Variants in NCKAP1 observed in about 807,000 individuals in gnomAD.
NCKAP1 encodes the protein NCK associated protein 1, also known as nck-associated protein 1.
NCKAP1 carries 21 observed loss-of-function variants against 151.2 expected under a neutral mutation model. The ratio of observed to expected loss-of-function variants is 0.14; its 90% confidence interval spans 0.10 to 0.20. NCKAP1 has a LOEUF of 0.20. NCKAP1 is among the 10% of genes least tolerant of loss of function. NCKAP1 has a pLI of 1.00. For missense variants in NCKAP1, 933 were observed against 1,352.1 expected, an observed-to-expected ratio of 0.69 and a Z score of 4.86; for synonymous variants, 484 against 451.8, an observed-to-expected ratio of 1.07 and a Z score of -0.90.
At chr2:182,999,032 C>T (rs111947664) in intron 6 of NCKAP1, among the ~76,000 whole-genome samples, 8,475 of 152,078 alleles carry the variant, frequency 0.056, 356 homozygotes, top group African/African-American at 0.12. Flanking sequence ...AAGCATTCTA[C>T]GCTCATGGGA....
At position 182,930,719 on chromosome 2, in the gene NCKAP1, C is replaced by G. The variant is rs775898947; in HGVS notation, c.2929G>C (p.Val977Leu). Residue 977 changes from valine to leucine, a missense_variant, in exon 27 of 31, where the codon GTA becomes CTA. Physicochemically the swap from Val to Leu is conservative, Grantham distance 32. Coordinates refer to ENST00000361354, the MANE Select transcript of NCKAP1 (RefSeq NM_013436.5). ...LPCEIDPALV[V>L]ALSSQKSENI... ...CCCGATTTTTGTGAAGAAAGAGCTACGACCAATGCAGGATCAATCTCACAA... is the reference window on the plus strand; with the variant it reads ...CCCGATTTTTGTGAAGAAAGAGCTAGGACCAATGCAGGATCAATCTCACAA... 21 of 1,613,130 alleles carry G rather than the reference C, an allele frequency of 1.3e-5. No homozygotes were observed. The highest frequency in any genetic ancestry group is 1.8e-5 in the Non-Finnish European group (21 of 1,179,356).
At chr2:182,943,062 A>G (rs989538323) in intron 23 of NCKAP1, among the ~76,000 whole-genome samples, 10 of 152,148 alleles carry the variant, frequency 6.6e-5, no homozygotes, top group African/African-American at 9.6e-5. Flanking sequence ...TGATCTCTAT[A>G]TCTCTACAAA....
At chr2:182,959,796 T>C (rs375299717) in intron 18 of NCKAP1, among the ~76,000 whole-genome samples, 5 of 152,202 alleles carry the variant, frequency 3.3e-5, no homozygotes, top group Non-Finnish European at 5.9e-5. Flanking sequence ...GAAAGTCAAA[T>C]TGTCACTGTT....
At chr2:183,006,693 C>T (rs1698477906) in intron 2 of NCKAP1, among the ~76,000 whole-genome samples, 1 of 152,128 alleles carries the variant, frequency 6.6e-6, no homozygotes, top group Admixed American at 6.6e-5. Context: ...AGAGTAGATA[C>T]TACCAAAAAT....
intron 17 of NCKAP1, among the ~76,000 whole-genome samples, chr2:182,963,716 G>T (rs1697502696): frequency 6.6e-6 from 1 of 152,068 alleles, no homozygotes; most frequent in Admixed American, 6.5e-5. Flanking sequence ...TTAATGAAAA[G>T]AAATTTGATG....
At chr2:182,983,224 T>C in intron 11 of NCKAP1, 62 bp downstream of exon 11, 2 of 1,323,350 alleles carry the variant, frequency 1.5e-6, no homozygotes. Flanking sequence ...AAATTTCACT[T>C]AGAAACGTTT....
chr2:182,929,466 A>C (rs1310372998), intron 27 of NCKAP1, among the ~76,000 whole-genome samples: 1 of 151,982 alleles, frequency 6.6e-6, no homozygotes, highest in East Asian at 1.9e-4. Flanking sequence ...AAGACAGAAG[A>C]AGACAGAAGA....
intron 19 of NCKAP1, 80 bp from the exon 20 acceptor site, chr2:182,956,673 C>A: frequency 7.2e-7 from 1 of 1,395,508 alleles, no homozygotes; most frequent in South Asian, 1.5e-5. Flanking sequence ...ATATATCAAC[C>A]TTATTTGGAG....
chr2:182,943,902 T>C (rs763402984), intron 23 of NCKAP1, among the ~76,000 whole-genome samples: 2 of 152,194 alleles, frequency 1.3e-5, no homozygotes, highest in Non-Finnish European at 2.9e-5. Context: ...TTCGGGTATG[T>C]CTCACTTTAA....
At chr2:183,017,513 T>C (rs928804568) in intron 2 of NCKAP1, among the ~76,000 whole-genome samples, 56 of 152,040 alleles carry the variant, frequency 3.7e-4, no homozygotes, top group African/African-American at 1.1e-3. Flanking sequence ...ACTGCTAATA[T>C]GACAGGAGAA....
At chr2:182,976,021 T>C (rs1697816186) in intron 15 of NCKAP1, among the ~76,000 whole-genome samples, 1 of 152,208 alleles carries the variant, frequency 6.6e-6, no homozygotes, top group Non-Finnish European at 1.5e-5. Context: ...AGGCCAGTTA[T>C]TAAAAGTGAG....
At chr2:182,950,980 C>T (rs1035364517) in intron 23 of NCKAP1, among the ~76,000 whole-genome samples, 1 of 151,870 alleles carries the variant, frequency 6.6e-6, no homozygotes, top group Non-Finnish European at 1.5e-5. Context: ...TTACAAGTGC[C>T]CACCACCACA....
At chr2:182,927,085 T>C in intron 29 of NCKAP1, 180 bp from the exon 30 acceptor site, 1 of 496,418 alleles carries the variant, frequency 2.0e-6, no homozygotes, top group Non-Finnish European at 3.5e-6. Context: ...AGAGAGTAAT[T>C]AAGGCACAAA....
At chr2:182,986,101 A>C in intron 10 of NCKAP1, 70 bp downstream of exon 10, 8 of 1,405,770 alleles carry the variant, frequency 5.7e-6, no homozygotes, top group Non-Finnish European at 8.0e-6. Flanking sequence ...ATCTGTACTC[A>C]CTTCAACAAA....
intron 8 of NCKAP1, among the ~76,000 whole-genome samples, chr2:182,994,576 T>C (rs1575053904): frequency 6.6e-6 from 1 of 150,818 alleles, no homozygotes; most frequent in Non-Finnish European, 1.5e-5. Flanking sequence ...GAGGCGGAGG[T>C]TGCAGTGAGC....
chr2:182,952,945 T>A, intron 21 of NCKAP1, 22 bp from the exon 22 acceptor site: 1 of 1,597,990 alleles, frequency 6.3e-7, no homozygotes, highest in African/African-American at 1.3e-5. Context: ...CGTAAACTTA[T>A]AACCGGAAGA....
At chr2:182,933,506 G>A (rs1332601264) in intron 26 of NCKAP1, among the ~76,000 whole-genome samples, 1 of 149,570 alleles carries the variant, frequency 6.7e-6, no homozygotes. Context: ...AGATTCTCCT[G>A]CCTCACCCTC....
At chr2:183,019,735 C>T (rs1168118996) in intron 2 of NCKAP1, among the ~76,000 whole-genome samples, 3 of 152,166 alleles carry the variant, frequency 2.0e-5, no homozygotes, top group Non-Finnish European at 4.4e-5. Flanking sequence ...ACTGGTATGG[C>T]TTTTATTCAT....
rs1211711464 is a variant in NCKAP1 at position 182,919,973 on chromosome 2, T to A, written c.*5729A>T. The stretch of plus-strand genomic sequence containing the variant: ...GGCCTTAATTATTATCGAGACCGGC[T>A]CTTGCTCTGTCACCTAGGCTGGAGC... On this transcript the variant is annotated 3_prime_UTR_variant, in exon 31 of 31. Transcript: ENST00000361354. 6.6e-6 allele frequency: 1 copy of A among 152,106 alleles called. No homozygotes were observed. The highest frequency in any genetic ancestry group is 2.4e-5 in the African/African-American group (1 of 41,396). The allele number at this position is 152,106 out of a possible 1,614,324, so 9.4% of individuals were successfully genotyped here.
Sources: allele counts gnomAD v4.1 joint callset (sites outside exome capture counted in the v4.1 genomes callset), GRCh38; gene constraint gnomAD v4.1.1; transcripts MANE v1.5; gene names NCBI Gene and HGNC (gene_info 2026-07-23, HGNC 2026-07-21).